Variants in RAB8B observed in about 807,000 individuals in gnomAD.
RAB8B encodes ras-related protein Rab-8B.
In RAB8B, 11 loss-of-function variants were observed where a neutral mutation model predicts 32.0. The observed-to-expected ratio is 0.34, with a 90% confidence interval of 0.22 to 0.57. RAB8B has a LOEUF of 0.57. Among genes scored for constraint, RAB8B ranks in the 20% least tolerant of loss-of-function variants. The pLI, the probability that RAB8B is intolerant of heterozygous loss-of-function variation, is 0.86. For synonymous variants in RAB8B, 103 were observed against 89.6 expected, an observed-to-expected ratio of 1.15 and a Z score of -0.85; for missense variants, 190 against 258.5, an observed-to-expected ratio of 0.73 and a Z score of 1.82.
intron 1 of RAB8B, among the ~76,000 whole-genome samples, chr15:63,242,670 CTG>C (rs1567018377): frequency 2.0e-5 from 3 of 152,090 alleles, no homozygotes; most frequent in African/African-American, 2.4e-5. Context: ...GAGTGAGACT[CTG>C]TCTCAAAAAA....
chr15:63,245,231 C>A (rs2038061716), intron 2 of RAB8B, among the ~76,000 whole-genome samples: 2 of 152,220 alleles, frequency 1.3e-5, no homozygotes, highest in Non-Finnish European at 2.9e-5. Flanking sequence ...GGCTTTGGGC[C>A]AGTTATTTCC....
intron 1 of RAB8B, among the ~76,000 whole-genome samples, chr15:63,201,561 T>C (rs2037650548): frequency 6.6e-6 from 1 of 152,178 alleles, no homozygotes; most frequent in African/African-American, 2.4e-5. Context: ...CTGGACTTTA[T>C]CCTAGAGCAG....
intron 3 of RAB8B, among the ~76,000 whole-genome samples, chr15:63,254,390 G>A (rs750825641): frequency 7.2e-5 from 11 of 151,964 alleles, no homozygotes; most frequent in Non-Finnish European, 1.3e-4. Flanking sequence ...TTTATTGTCT[G>A]TTGTCTTTGT....
chr15:63,213,878 C>G (rs1245984056), intron 1 of RAB8B, among the ~76,000 whole-genome samples: 2 of 152,166 alleles, frequency 1.3e-5, no homozygotes, highest in East Asian at 1.9e-4. Flanking sequence ...GTCAGGAGTT[C>G]GAGACCAGCC....
chr15:63,256,642 C>T, intron 5 of RAB8B, 48 bp downstream of exon 5: 4 of 1,293,526 alleles, frequency 3.1e-6, no homozygotes, highest in Non-Finnish European at 4.3e-6. Context: ...TCACATTAAG[C>T]ATTTCTTTTC....
intron 4 of RAB8B, among the ~76,000 whole-genome samples, chr15:63,256,030 A>G (rs1396854949): frequency 6.6e-6 from 1 of 152,174 alleles, no homozygotes; most frequent in African/African-American, 2.4e-5. Flanking sequence ...ATATTTGAAG[A>G]TTGTTTTAAT....
intron 1 of RAB8B, among the ~76,000 whole-genome samples, chr15:63,217,535 A>G (rs909662170): frequency 2.0e-5 from 3 of 152,224 alleles, no homozygotes; most frequent in African/African-American, 7.2e-5. Context: ...ACTTATGGCC[A>G]TTTGAAACCA....
At chr15:63,193,784 C>T (rs1446332738) in intron 1 of RAB8B, among the ~76,000 whole-genome samples, 1 of 151,900 alleles carries the variant, frequency 6.6e-6, no homozygotes, top group African/African-American at 2.4e-5. Context: ...GCATTCCAGC[C>T]TGGGCGACAG....
At chr15:63,205,755 G>A (rs1314185083) in intron 1 of RAB8B, among the ~76,000 whole-genome samples, 1 of 152,208 alleles carries the variant, frequency 6.6e-6, no homozygotes, top group Non-Finnish European at 1.5e-5. Context: ...ACCATGCCGT[G>A]AAACTCTCAG....
chr15:63,233,614 T>C (rs556932863), intron 1 of RAB8B, among the ~76,000 whole-genome samples: 103 of 152,344 alleles, frequency 6.8e-4, no homozygotes, highest in Non-Finnish European at 1.1e-3. Context: ...TGGCAAGAAC[T>C]GTATCTTTAT....
intron 1 of RAB8B, among the ~76,000 whole-genome samples, chr15:63,211,074 A>G (rs2037743201): frequency 6.6e-6 from 1 of 152,214 alleles, no homozygotes; most frequent in Non-Finnish European, 1.5e-5. Context: ...ACAGCAGGGA[A>G]AGAATTTGGG....
chr15:63,224,173 AT>A (rs1401271144), intron 1 of RAB8B, among the ~76,000 whole-genome samples: 1 of 152,172 alleles, frequency 6.6e-6, no homozygotes, highest in Non-Finnish European at 1.5e-5. Context: ...TATTTTTATC[AT>A]TTGTAGTTGT....
At chr15:63,252,770 C>T (rs1437438195) in intron 3 of RAB8B, among the ~76,000 whole-genome samples, 7 of 138,094 alleles carry the variant, frequency 5.1e-5, no homozygotes, top group South Asian at 2.2e-4. Context: ...TTTTTTGAGA[C>T]GGAGTTTCAC....
chr15:63,221,806 C>A (rs138749837), intron 1 of RAB8B, among the ~76,000 whole-genome samples: 209 of 152,292 alleles, frequency 1.4e-3, no homozygotes, highest in Middle Eastern at 3.4e-3. Context: ...GTAATTATTG[C>A]TATGATTTCA....
At chr15:63,239,482 G>A (rs898261765) in intron 1 of RAB8B, among the ~76,000 whole-genome samples, 28 of 147,076 alleles carry the variant, frequency 1.9e-4, no homozygotes, top group East Asian at 4.0e-4. Flanking sequence ...GTGCAATCTC[G>A]GCTCACTGCA....
rs1447420017 is a variant in RAB8B at position 63,264,891 on chromosome 15, G to A, written c.*1272G>A. 1.3e-5 allele frequency: 2 copies of A among 152,620 alleles called. No individual in the cohort carries two copies. Among genetic ancestry groups the A allele is most frequent in the African/African-American group, 2.4e-5 (1 of 41,458 alleles). 9.5% of individuals were successfully genotyped at this position (152,620 alleles called of 1,614,324 possible). ...CCATCTGTTTTGGTTCATTGTTACA[G>A]AACTTAGTCCAGTCATTTGGGCTAA... On this transcript the variant is annotated 3_prime_UTR_variant, in exon 8 of 8. Transcript: ENST00000321437.
At chr15:63,223,716 G>A (rs1351782666) in intron 1 of RAB8B, 5 of 251,244 alleles carry the variant, frequency 2.0e-5, no homozygotes, top group Non-Finnish European at 3.3e-5. Context: ...GTTGTTAAGT[G>A]ACACGTGACT....
intron 5 of RAB8B, among the ~76,000 whole-genome samples, chr15:63,257,511 C>T (rs1015185559): frequency 6.6e-6 from 1 of 152,128 alleles, no homozygotes; most frequent in African/African-American, 2.4e-5. Context: ...AAGCAATCCA[C>T]CTGCCTCGGC....
intron 1 of RAB8B, among the ~76,000 whole-genome samples, chr15:63,238,346 G>A (rs1372064038): frequency 1.3e-5 from 2 of 152,126 alleles, no homozygotes; most frequent in African/African-American, 2.4e-5. Flanking sequence ...TAGGGGATAA[G>A]CCAAGTCTTT....
Sources: gnomAD v4.1 joint callset for allele counts (sites outside exome capture counted in the v4.1 genomes callset) on GRCh38, gnomAD v4.1.1 for gene constraint, MANE v1.5 for transcripts, NCBI Gene and HGNC (gene_info 2026-07-23, HGNC 2026-07-21) for gene names.